The following FRAS1 variants were observed in gnomAD, a reference collection of about 807,000 sequenced individuals.
The protein encoded by FRAS1 is Fraser extracellular matrix complex subunit 1.
A neutral mutation model predicts 435.2 loss-of-function variants in FRAS1; 290 were observed. The ratio of observed to expected loss-of-function variants is 0.67; its 90% CI spans 0.61 to 0.73. FRAS1 has a LOEUF of 0.73. Ranked by LOEUF, FRAS1 falls within the 30% of genes least tolerant of loss-of-function variation. FRAS1 has a pLI of 0.00. For missense variants in FRAS1, 4,860 were observed against 5,001.5 expected, an observed-to-expected ratio of 0.97 and a Z score of 0.85; for synonymous variants, 1,800 against 1,851.0, an observed-to-expected ratio of 0.97 and a Z score of 0.71.
chr4:78,446,283 G>A, intron 42 of FRAS1: 5 of 1,008,034 alleles, frequency 5.0e-6, no homozygotes, highest in East Asian at 1.1e-4. Context: ...GAAAGGGGCT[G>A]GCACCAGGGC....
At chr4:78,493,956 TG>T (rs1170809712) in intron 59 of FRAS1, among the ~76,000 whole-genome samples, 1 of 152,144 alleles carries the variant, frequency 6.6e-6, no homozygotes, top group East Asian at 1.9e-4. Context: ...TTATATCCCT[TG>T]GTTCAAGGCA....
chr4:78,368,138 T>C (rs1731347829), intron 22 of FRAS1, among the ~76,000 whole-genome samples: 1 of 143,212 alleles, frequency 7.0e-6, no homozygotes, highest in Admixed American at 6.7e-5. Context: ...TGCATAAAAA[T>C]TCTAGCAAAA....
At chr4:78,315,953 C>A (rs761728296) in intron 16 of FRAS1, among the ~76,000 whole-genome samples, 1 of 152,124 alleles carries the variant, frequency 6.6e-6, no homozygotes, top group Admixed American at 6.6e-5. Context: ...GAAGGACTTA[C>A]GCATATTAAT....
intron 60 of FRAS1, among the ~76,000 whole-genome samples, chr4:78,498,094 G>T (rs1720558539): frequency 6.6e-6 from 1 of 152,228 alleles, no homozygotes; most frequent in Non-Finnish European, 1.5e-5. Flanking sequence ...CTGTTGACAG[G>T]GACGGGGGCC....
intron 38 of FRAS1, 129 bp downstream of exon 38, chr4:78,432,733 G>A: frequency 9.5e-7 from 1 of 1,050,036 alleles, no homozygotes; most frequent in Non-Finnish European, 1.3e-6. Context: ...ATTTTTCTCA[G>A]CTTCCCTACC....
At chr4:78,283,115 G>A (rs1727413444) in intron 12 of FRAS1, 148 bp downstream of exon 12, 1 of 603,058 alleles carries the variant, frequency 1.7e-6, no homozygotes, top group Non-Finnish European at 2.5e-6. Flanking sequence ...TCTAACAAAT[G>A]ATGCTAATTA....
intron 66 of FRAS1, among the ~76,000 whole-genome samples, chr4:78,517,768 G>A (rs11733471): frequency 0.14 from 21,188 of 152,024 alleles, 1,761 homozygotes; most frequent in Non-Finnish European, 0.2. Context: ...AAAGATTAGT[G>A]AGTAATATCA....
chr4:78,217,293 C>T (rs1723810128), intron 2 of FRAS1, among the ~76,000 whole-genome samples: 1 of 152,184 alleles, frequency 6.6e-6, no homozygotes. Flanking sequence ...AACATCCTAA[C>T]AGATACACCC....
Position 78,540,648 on chromosome 4 carries a change from C to T in FRAS1, c.11563C>T (p.Leu3855=). The change falls in exon 74 of 74, where the codon CTG becomes TTG. Residue 3855 remains leucine, a synonymous_variant. Coordinates refer to ENST00000512123, the MANE Select transcript of FRAS1 (RefSeq NM_025074.7). ...TAPLRRNRRD[L]VEPDGQLILD... ...TCCACTCAGACGCAACCGAAGGGACCTGGTAGAGCCCGATGGCCAGCTGAT... is the reference window on the plus strand; with the variant it reads ...TCCACTCAGACGCAACCGAAGGGACTTGGTAGAGCCCGATGGCCAGCTGAT... 2 of 1,608,558 alleles carry T rather than the reference C, an allele frequency of 1.2e-6. No individual in the cohort carries two copies. The highest frequency in any genetic ancestry group is 1.7e-6 in the Non-Finnish European group (2 of 1,177,126).
chr4:78,172,012 T>C (rs1721581130), intron 2 of FRAS1, among the ~76,000 whole-genome samples: 1 of 152,166 alleles, frequency 6.6e-6, no homozygotes, highest in African/African-American at 2.4e-5. Context: ...CGTCTTTACC[T>C]TAAATGCCTT....
intron 4 of FRAS1, among the ~76,000 whole-genome samples, chr4:78,247,074 G>T (rs970338840): frequency 2.0e-5 from 3 of 152,044 alleles, no homozygotes; most frequent in Admixed American, 1.3e-4. Context: ...CATCTTAAGG[G>T]CATGTTGGTC....
chr4:78,533,003 T>A (rs982605490), intron 70 of FRAS1, among the ~76,000 whole-genome samples: 7 of 152,222 alleles, frequency 4.6e-5, no homozygotes, highest in African/African-American at 1.7e-4. Flanking sequence ...ATACCAGGAA[T>A]AGGGATTGCT....
chr4:78,483,911 T>G (rs977486483), intron 58 of FRAS1, among the ~76,000 whole-genome samples: 16 of 151,506 alleles, frequency 1.1e-4, no homozygotes, highest in Admixed American at 9.9e-4. Flanking sequence ...AGGTGCAACT[T>G]GCATAAATGA....
intron 59 of FRAS1, among the ~76,000 whole-genome samples, chr4:78,495,801 C>T (rs1720493176): frequency 6.6e-6 from 1 of 152,048 alleles, no homozygotes; most frequent in African/African-American, 2.4e-5. Context: ...TGCTTTGAAA[C>T]TTGTCATTCA....
chr4:78,270,765 C>A (rs1726636008), intron 9 of FRAS1, among the ~76,000 whole-genome samples: 1 of 151,932 alleles, frequency 6.6e-6, no homozygotes, highest in South Asian at 2.1e-4. Flanking sequence ...GCTTTGAAAG[C>A]CAAATTCAGT....
chr4:78,058,052 G>A lies in FRAS1; in HGVS notation c.43G>A (p.Ala15Thr). ...GTGGCTCGGGCTGGCCCTAGCGTTG[G>A]CGGAATTTGCAGTATTGCCTCATCA... ...KVWLGLALAL[A>T]EFAVLPHHSE... Residue 15 changes from alanine (A) to threonine (T), a missense_variant, in exon 1 of 74, where the codon GCG (alanine) becomes ACG (threonine). Transcript: ENST00000512123. 1 of 1,613,898 alleles carries A rather than the reference G, an allele frequency of 6.2e-7. No individual in the cohort carries two copies.
At chr4:78,446,487 G>A (rs1015717700) in intron 42 of FRAS1, 58 of 1,299,684 alleles carry the variant, frequency 4.5e-5, no homozygotes, top group Non-Finnish European at 5.3e-5. Context: ...TTGTACTTAC[G>A]GAAGATATCT....
intron 11 of FRAS1, 113 bp from the exon 12 acceptor site, chr4:78,282,706 AC>A: frequency 8.9e-7 from 1 of 1,127,312 alleles, no homozygotes; most frequent in Non-Finnish European, 1.3e-6. Context: ...TTGGCAGAGT[AC>A]TGATTAGCTG....
intron 2 of FRAS1, among the ~76,000 whole-genome samples, chr4:78,200,879 A>ATATATG: frequency 7.4e-6 from 1 of 135,698 alleles, no homozygotes; most frequent in Non-Finnish European, 1.6e-5. Flanking sequence ...GAATATATAT[A>ATATATG]TATATATGTA....
Sources: allele counts gnomAD v4.1 joint callset (sites outside exome capture counted in the v4.1 genomes callset), GRCh38; gene constraint gnomAD v4.1.1; transcripts MANE v1.5; gene names NCBI Gene and HGNC (gene_info 2026-07-23, HGNC 2026-07-21).